The following MSI2 variants were observed in gnomAD, a reference collection of about 807,000 sequenced individuals.
The protein encoded by MSI2 is musashi RNA binding protein 2.
MSI2 carries 17 observed loss-of-function variants against 45.6 expected under a neutral mutation model. That is an observed-to-expected ratio of 0.37 (90% CI 0.26 to 0.56). MSI2 has a LOEUF of 0.56. Ranked by LOEUF, MSI2 falls within the 20% of genes least tolerant of loss-of-function variation. MSI2 has a pLI of 0.77. For missense variants in MSI2, 293 were observed against 444.2 expected, an observed-to-expected ratio of 0.66 and a Z score of 3.06; for synonymous variants, 156 against 158.2, an observed-to-expected ratio of 0.99 and a Z score of 0.11.
intron 7 of MSI2, among the ~76,000 whole-genome samples, chr17:57,571,981 G>A (rs1246335138): frequency 2.0e-5 from 3 of 152,158 alleles, no homozygotes; most frequent in Admixed American, 2.0e-4. Context: ...CTAAGGAAGG[G>A]TACTTTATCA....
At chr17:57,598,605 C>T (rs1314044733) in intron 8 of MSI2, among the ~76,000 whole-genome samples, 2 of 152,072 alleles carry the variant, frequency 1.3e-5, no homozygotes, top group Non-Finnish European at 2.9e-5. Flanking sequence ...TTCTCAGCTC[C>T]CCAGATGTCC....
At chr17:57,536,178 G>A (rs998892293) in intron 7 of MSI2, among the ~76,000 whole-genome samples, 1 of 152,188 alleles carries the variant, frequency 6.6e-6, no homozygotes, top group African/African-American at 2.4e-5. Context: ...TCACTTGTAG[G>A]TGTGGGATGT....
chr17:57,352,471 G>C (rs1379702036), intron 5 of MSI2, among the ~76,000 whole-genome samples: 1 of 152,224 alleles, frequency 6.6e-6, no homozygotes, highest in Non-Finnish European at 1.5e-5. Context: ...GGAAGCAGAT[G>C]AAGAGGAGCT....
At chr17:57,664,667 C>A (rs1912239537) in intron 11 of MSI2, among the ~76,000 whole-genome samples, 1 of 152,198 alleles carries the variant, frequency 6.6e-6, no homozygotes, top group Non-Finnish European at 1.5e-5. Context: ...AGAAGCGGTT[C>A]CAGAACTGTG....
intron 7 of MSI2, among the ~76,000 whole-genome samples, chr17:57,594,315 G>A (rs1598431873): frequency 6.6e-6 from 1 of 152,162 alleles, no homozygotes; most frequent in Non-Finnish European, 1.5e-5. Context: ...GCCCTAGGAG[G>A]GTGGGGCTGG....
At chr17:57,389,290 T>C (rs1318129341) in intron 5 of MSI2, among the ~76,000 whole-genome samples, 1 of 152,214 alleles carries the variant, frequency 6.6e-6, no homozygotes, top group African/African-American at 2.4e-5. Context: ...CTGCTCTTCT[T>C]TTTAATAGCT....
At chr17:57,398,804 A>T (rs1244142954) in intron 5 of MSI2, among the ~76,000 whole-genome samples, 3 of 152,318 alleles carry the variant, frequency 2.0e-5, no homozygotes, top group South Asian at 4.2e-4. Flanking sequence ...CCTCGCACTT[A>T]ATGTATCTGT....
intron 6 of MSI2, among the ~76,000 whole-genome samples, chr17:57,484,160 A>G (rs1295035193): frequency 6.6e-6 from 1 of 152,144 alleles, no homozygotes; most frequent in Non-Finnish European, 1.5e-5. Context: ...TCTCTGGCTC[A>G]CCTTCCTCCC....
At chr17:57,640,859 G>A (rs1214052158) in intron 10 of MSI2, among the ~76,000 whole-genome samples, 1 of 152,228 alleles carries the variant, frequency 6.6e-6, no homozygotes, top group Non-Finnish European at 1.5e-5. Flanking sequence ...GGCTGCTGTT[G>A]TGTTATCATT....
intron 6 of MSI2, among the ~76,000 whole-genome samples, chr17:57,491,730 A>G (rs910534187): frequency 6.6e-6 from 1 of 152,006 alleles, no homozygotes; most frequent in Non-Finnish European, 1.5e-5. Flanking sequence ...AGGATGGCCA[A>G]CGCCTAATGA....
intron 6 of MSI2, among the ~76,000 whole-genome samples, chr17:57,419,154 T>C (rs2084349111): frequency 6.6e-6 from 1 of 152,056 alleles, no homozygotes; most frequent in Admixed American, 6.5e-5. Flanking sequence ...TCGTCATTTC[T>C]GTCCTAGGAA....
At chr17:57,477,959 C>T (rs572686554) in intron 6 of MSI2, among the ~76,000 whole-genome samples, 1 of 152,218 alleles carries the variant, frequency 6.6e-6, no homozygotes, top group Non-Finnish European at 1.5e-5. Context: ...GAGAGAGCCA[C>T]AGCTATTCTC....
chr17:57,638,979 G>A (rs28735765), intron 10 of MSI2, among the ~76,000 whole-genome samples: 59,878 of 152,016 alleles, frequency 0.39, 12,463 homozygotes, highest in Non-Finnish European at 0.46. Context: ...CAGCAGATTG[G>A]ACATCTGGTG....
intron 11 of MSI2, among the ~76,000 whole-genome samples, chr17:57,663,381 T>G (rs1353473308): frequency 6.6e-6 from 1 of 152,228 alleles, no homozygotes; most frequent in African/African-American, 2.4e-5. Flanking sequence ...TGCCCAGGTC[T>G]GTGGTAAACA....
At chr17:57,538,259 C>T (rs1211862486) in intron 7 of MSI2, among the ~76,000 whole-genome samples, 2 of 152,154 alleles carry the variant, frequency 1.3e-5, no homozygotes, top group South Asian at 2.1e-4. Flanking sequence ...CGCCGCAAGC[C>T]CTGGGTGGCT....
intron 6 of MSI2, among the ~76,000 whole-genome samples, chr17:57,521,711 G>T (rs59475169): frequency 2.6e-5 from 4 of 152,076 alleles, no homozygotes; most frequent in Non-Finnish European, 5.9e-5. Context: ...CATTTAGAAC[G>T]GTGGGTCTCG....
chr17:57,258,247 T>C (rs781589331), intron 3 of MSI2, 23 bp from the exon 4 acceptor site: 1 of 1,609,564 alleles, frequency 6.2e-7, no homozygotes, highest in South Asian at 1.1e-5. Flanking sequence ...TGTTTGTTTT[T>C]CTCCCTCTTT....
At chr17:57,323,650 C>T (rs1231819226) in intron 5 of MSI2, among the ~76,000 whole-genome samples, 1 of 152,264 alleles carries the variant, frequency 6.6e-6, no homozygotes, top group Non-Finnish European at 1.5e-5. Flanking sequence ...TTGCCTAGGT[C>T]AGCGTCCTGT....
At chr17:57,401,015 G>A (rs1250193871) in intron 5 of MSI2, among the ~76,000 whole-genome samples, 1 of 152,156 alleles carries the variant, frequency 6.6e-6, no homozygotes, top group Non-Finnish European at 1.5e-5. Flanking sequence ...TGGTTTCTGG[G>A]CAGCAGTTTT....
Sources: allele counts gnomAD v4.1 joint callset (sites outside exome capture counted in the v4.1 genomes callset), GRCh38; gene constraint gnomAD v4.1.1; transcripts MANE v1.5; gene names NCBI Gene and HGNC (gene_info 2026-07-23, HGNC 2026-07-21).